GDA: variants seen among roughly 807,000 people sequenced by gnomAD.
The protein encoded by GDA is guanine deaminase, also known as cytoplasmic PSD-95 interactor.
A neutral mutation model predicts 59.6 loss-of-function variants in GDA; 18 were observed. The ratio of observed to expected loss-of-function variants is 0.30; its 90% CI spans 0.21 to 0.45. GDA has a LOEUF of 0.45. GDA is among the 20% of genes least tolerant of loss of function. The pLI is 1.00. For missense variants in GDA, 427 were observed against 552.3 expected (o/e 0.77, Z 2.27); for synonymous variants, 201 against 201.1 (o/e 1.00, Z 0.00).
intron 11 of GDA, among the ~76,000 whole-genome samples, chr9:72,242,772 A>G (rs1321534846): frequency 9.2e-5 from 14 of 152,144 alleles, no homozygotes; most frequent in Admixed American, 9.2e-4. Context: ...AATTGTTACA[A>G]CCTTTCACCC....
At chr9:72,187,020 T>G (rs915077304) in intron 1 of GDA, among the ~76,000 whole-genome samples, 17 of 152,212 alleles carry the variant, frequency 1.1e-4, no homozygotes, top group Non-Finnish European at 4.4e-5. Context: ...TATATTCCTA[T>G]TTTTCATACT....
upstream of GDA, among the ~76,000 whole-genome samples, chr9:72,148,005 G>A (rs1258872338): frequency 6.6e-6 from 1 of 152,186 alleles, no homozygotes; most frequent in Non-Finnish European, 1.5e-5. Context: ...GGTAAACCAG[G>A]ATTTGTTGGT....
downstream of GDA, among the ~76,000 whole-genome samples, chr9:72,254,516 G>T (rs1462749839): frequency 6.6e-6 from 1 of 151,838 alleles, no homozygotes; most frequent in African/African-American, 2.4e-5. Context: ...CTCCTCTATT[G>T]CCTGGCTTCT....
At chr9:72,223,362 C>T in intron 7 of GDA, 135 bp downstream of exon 7, 1 of 582,444 alleles carries the variant, frequency 1.7e-6, no homozygotes, top group African/African-American at 1.9e-5. Flanking sequence ...CCTAGAGTCA[C>T]AGCATAACAG....
Position 72,227,953 on chromosome 9 carries a change from C to G in GDA, c.833C>G (p.Ala278Gly). The change falls in exon 9 of 14, where the codon GCA (alanine) becomes GGA (glycine). Residue 278 changes from alanine (A) to glycine (G), a missense_variant. Physicochemically the swap from Ala to Gly is moderately conservative, Grantham distance 60. Coordinates refer to ENST00000358399, the MANE Select transcript of GDA (RefSeq NM_004293.5). The stretch of plus-strand genomic sequence containing the variant: ...CACTCTTCTCTCCAGACAGTGATGG[C>G]ACACGGCTGCTACCTCTCTGCAGAA... ...NNLLTNKTVM[A>G]HGCYLSAEEL... 1 of 1,595,552 alleles carries G rather than the reference C, an allele frequency of 6.3e-7. No individual in the cohort carries two copies. Among genetic ancestry groups the G allele is most frequent in the Non-Finnish European group, 8.6e-7 (1 of 1,163,958 alleles).
At chr9:72,217,192 C>T (rs1790055164) in intron 5 of GDA, among the ~76,000 whole-genome samples, 1 of 152,078 alleles carries the variant, frequency 6.6e-6, no homozygotes, top group South Asian at 2.1e-4. Context: ...TGTTCATGTA[C>T]ATTTGTGTTT....
chr9:72,135,178 A>G (rs889989054), intron 1 of GDA, among the ~76,000 whole-genome samples: 3 of 151,974 alleles, frequency 2.0e-5, no homozygotes, highest in Non-Finnish European at 4.4e-5. Flanking sequence ...TTTTTTAACC[A>G]AAGATGAATT....
intron 1 of GDA, among the ~76,000 whole-genome samples, chr9:72,186,031 A>G (rs1241503161): frequency 1.3e-5 from 2 of 152,158 alleles, no homozygotes; most frequent in Non-Finnish European, 2.9e-5. Context: ...TATATGCTTA[A>G]CAGCCCACCT....
intron 1 of GDA, among the ~76,000 whole-genome samples, chr9:72,157,030 CTTTTTTTTTTTT>C (rs544126638): frequency 2.9e-5 from 3 of 104,074 alleles, no homozygotes; most frequent in Non-Finnish European, 3.7e-5. Flanking sequence ...TCTAGACTTC[CTTTTTTTTTTTT>C]TTTTTTTTTT....
Position 72,231,427 on chromosome 9 carries a change from T to A in GDA, c.988+246T>A, listed in dbSNP as rs561914887. 5.9e-5 allele frequency among the ~76,000 whole-genome samples: 9 copies of A among 152,042 alleles called. No individual in the cohort carries two copies. The East Asian group carries it at 1.7e-3, about 29-fold the overall frequency. ...TAAAATACAAAAAAATAGCCAGGTG[T>A]GGCAGTGTGCGCCTGTAGTCTCAGC... On this transcript the variant is annotated intron_variant, in intron 10 of 13. Coordinates refer to ENST00000358399, the MANE Select transcript of GDA (RefSeq NM_004293.5).
intron 5 of GDA, among the ~76,000 whole-genome samples, chr9:72,218,513 GGAATGCCA>G (rs1248506975): frequency 1.3e-5 from 2 of 152,138 alleles, no homozygotes; most frequent in African/African-American, 4.8e-5. Context: ...CTGAAACAAA[GGAATGCCA>G]GAAGGCAGAA....
At chr9:72,132,321 G>C (rs1826053247) in intron 1 of GDA, among the ~76,000 whole-genome samples, 1 of 152,116 alleles carries the variant, frequency 6.6e-6, no homozygotes, top group African/African-American at 2.4e-5. Context: ...GAATACAAAA[G>C]AATTTACCAA....
At position 72,179,085 on chromosome 9, in the gene GDA, C is replaced by T. The variant is rs1170503658; in HGVS notation, c.124-16415C>T. On this transcript the variant is annotated intron_variant, in intron 1 of 13. Transcript: ENST00000358399. ...CTAAGAGCTCTCCAGCCATACTTCC[C>T]TCATCCTATTAATCAACCTTTTAAG... 2.0e-5 allele frequency among the ~76,000 whole-genome samples: 3 copies of T among 152,292 alleles called. No individual in the cohort carries two copies. The East Asian group carries it at 5.8e-4, about 29-fold the overall frequency.
rs563617862 is a variant in GDA at position 72,233,957 on chromosome 9, A to G, written c.988+2776A>G. Among the ~76,000 whole-genome samples the G allele has an allele frequency of 7.2e-5, 11 of 152,280 alleles. No individual in the cohort carries two copies. In the South Asian group the frequency reaches 2.3e-3, roughly 32 times the overall value. Reference sequence around the variant, plus strand: ...ACCCTGTCCCTAAATTAATAAATAAATGAAAGAATTGTATGAGGATGTTTA... The same window carrying G: ...ACCCTGTCCCTAAATTAATAAATAAGTGAAAGAATTGTATGAGGATGTTTA... On this transcript the variant is annotated intron_variant, in intron 10 of 13. Transcript: ENST00000358399.
intron 1 of GDA, among the ~76,000 whole-genome samples, chr9:72,161,871 T>C (rs1019707809): frequency 2.0e-5 from 3 of 152,218 alleles, no homozygotes; most frequent in Non-Finnish European, 4.4e-5. Context: ...AGAATGGGTA[T>C]ATGCTCTTCA....
Position 72,249,929 on chromosome 9 carries a change from A to G in GDA, c.*1587A>G. On this transcript the variant is annotated 3_prime_UTR_variant, in exon 14 of 14. Coordinates refer to ENST00000358399, the MANE Select transcript of GDA (RefSeq NM_004293.5). ...ATTGGCCCAGTTTTTTCCCTAATAG[A>G]AATACTTTTAGATTTGATTATGTAT... 1 of 949,082 alleles carries G rather than the reference A, an allele frequency of 1.1e-6. No individual in the cohort carries two copies. The highest frequency in any genetic ancestry group is 1.3e-6 in the Non-Finnish European group (1 of 796,918). The allele number at this position is 949,082 out of a possible 1,614,324, so 58.8% of individuals were successfully genotyped here.
intron 3 of GDA, among the ~76,000 whole-genome samples, chr9:72,204,200 A>G (rs1834379777): frequency 6.6e-6 from 1 of 152,198 alleles, no homozygotes. Context: ...CATGCACCAC[A>G]TGACACTAGA....
At chr9:72,204,566 T>C (rs534145979) in intron 3 of GDA, among the ~76,000 whole-genome samples, 1 of 152,318 alleles carries the variant, frequency 6.6e-6, no homozygotes, top group South Asian at 2.1e-4. Flanking sequence ...AAAAAACACA[T>C]TTGTTAAGGT....
At chr9:72,153,178 G>C (rs2130749630) in intron 1 of GDA, among the ~76,000 whole-genome samples, 1 of 152,160 alleles carries the variant, frequency 6.6e-6, no homozygotes, top group South Asian at 2.1e-4. Context: ...GTACCATGCT[G>C]TTTTGGTTAC....
Sources: gnomAD v4.1 joint callset for allele counts (sites outside exome capture counted in the v4.1 genomes callset) on GRCh38, gnomAD v4.1.1 for gene constraint, MANE v1.5 for transcripts, NCBI Gene and HGNC (gene_info 2026-07-23, HGNC 2026-07-21) for gene names.